CHRM5: variants seen among roughly 807,000 people sequenced by gnomAD.
The protein encoded by CHRM5 is muscarinic acetylcholine receptor M5.
CHRM5 carries 18 observed loss-of-function variants against 39.0 expected under a neutral mutation model. That is an observed-to-expected ratio of 0.46 (90% CI 0.32 to 0.68). The LOEUF (loss-of-function observed/expected upper bound fraction) is 0.68, where lower values mean the gene tolerates loss of function less well. CHRM5 is among the 30% of genes least tolerant of loss of function. CHRM5 has a pLI of 0.04. For missense variants in CHRM5, 515 were observed against 651.1 expected (o/e 0.79, Z 2.28); for synonymous variants, 241 against 246.3 (o/e 0.98, Z 0.20).
intron 2 of CHRM5, among the ~76,000 whole-genome samples, chr15:34,057,612 A>C (rs188106808): frequency 6.6e-6 from 1 of 152,126 alleles, no homozygotes; most frequent in African/African-American, 2.4e-5. Context: ...TCTGAGACTC[A>C]GGTTAAGTAA....
chr15:34,064,264 A>C lies in CHRM5; in HGVS notation c.1547A>C (p.Lys516Thr). The part of the protein sequence containing the change: ...FKMLLLCRWK[K>T]KKVEEKLYWQ... ...ATGCTGCTTCTCTGCCGATGGAAAAAGAAAAAAGTGGAAGAGAAGTTGTAC... is the reference window on the plus strand; with the variant it reads ...ATGCTGCTTCTCTGCCGATGGAAAACGAAAAAAGTGGAAGAGAAGTTGTAC... The change falls in exon 3 of 3, where the codon AAG (lysine) becomes ACG (threonine). Residue 516 changes from lysine to threonine, a missense_variant. Physicochemically the swap from Lys to Thr is moderately conservative, Grantham distance 78 (BLOSUM62 -1). Transcript: ENST00000383263. The C allele has an allele frequency of 6.2e-7, 1 of 1,614,122 alleles. No homozygotes were observed.
At chr15:34,047,748 C>T (rs1899764283) in intron 2 of CHRM5, among the ~76,000 whole-genome samples, 1 of 127,614 alleles carries the variant, frequency 7.8e-6, no homozygotes, top group Non-Finnish European at 1.7e-5. Context: ...CTTGTTTTGT[C>T]TTTGTTTTGT....
rs1900382962 is a variant in CHRM5 at position 34,062,689 on chromosome 15, A to G, written c.-29A>G. 1 of 1,581,092 alleles carries G rather than the reference A, an allele frequency of 6.3e-7. No individual in the cohort carries two copies. Among genetic ancestry groups the G allele is most frequent in the African/African-American group, 1.3e-5 (1 of 74,344 alleles). On this transcript the variant is annotated 5_prime_UTR_variant, in exon 3 of 3. Transcript: ENST00000383263. ...AATAGAAAACAGCCTAGAACCTAAC[A>G]CTATTTACTGTAAAATTTTTGCACC...
chr15:33,990,528 C>T (rs564243161), intron 1 of CHRM5, among the ~76,000 whole-genome samples: 3 of 152,300 alleles, frequency 2.0e-5, no homozygotes, highest in Non-Finnish European at 2.9e-5. Context: ...GATTCACTAA[C>T]GTTCTCTCAT....
Position 34,038,684 on chromosome 15 carries a change from C to T in CHRM5, c.-407-7856C>T, listed in dbSNP as rs1597379276. ...CCGGCGCCGCCGCCCGTCTGGCGCG[C>T]GCCTGGCACGCTCTCTTGCGGCTCT... On this transcript the variant is annotated intron_variant, in intron 1 of 2. Transcript: ENST00000383263. 4.7e-6 allele frequency: 5 copies of T among 1,064,506 alleles called. No individual in the cohort carries two copies. The East Asian group carries it at 2.1e-4, about 46-fold the overall frequency. 65.9% of individuals were successfully genotyped at this position (1,064,506 alleles called of 1,614,324 possible).
In CHRM5 at chr15:34,015,206, G is replaced by A. The variant is rs146447575; in HGVS notation, c.-407-31334G>A. On this transcript the variant is annotated intron_variant, in intron 1 of 2. Coordinates refer to ENST00000383263, the MANE Select transcript of CHRM5 (RefSeq NM_012125.4). ...TTTAAAAAATTCCACAAAATAGGCCGGGCGCAGTGGCTCACGCCTGTAATC... is the reference window on the plus strand; with the variant it reads ...TTTAAAAAATTCCACAAAATAGGCCAGGCGCAGTGGCTCACGCCTGTAATC... Among the ~76,000 whole-genome samples the A allele has an allele frequency of 1.5e-3, 232 of 152,208 alleles. 4 individuals are homozygous for A. The highest frequency in any genetic ancestry group is 6.0e-3 in the South Asian group (29 of 4,816).
intron 1 of CHRM5, among the ~76,000 whole-genome samples, chr15:33,986,745 C>T (rs1896489905): frequency 6.8e-6 from 1 of 148,146 alleles, no homozygotes; most frequent in African/African-American, 2.4e-5. Flanking sequence ...CAACCTCCGC[C>T]TCCCAGGTTC....
chr15:34,008,954 G>GCACACACA (rs57211791), intron 1 of CHRM5, among the ~76,000 whole-genome samples: 5 of 103,110 alleles, frequency 4.8e-5, no homozygotes, highest in African/African-American at 1.3e-4. Context: ...GTGCGCGCGC[G>GCACACACA]CACACACACA....
intron 1 of CHRM5, among the ~76,000 whole-genome samples, chr15:33,999,927 C>A (rs71462883): frequency 0.15 from 22,982 of 152,208 alleles, 2,166 homozygotes; most frequent in Middle Eastern, 0.28. Flanking sequence ...AACATCTTTA[C>A]AATGGTCTAC....
At chr15:34,053,319 A>AAAAAAATATATATAT (rs775436850) in intron 2 of CHRM5, among the ~76,000 whole-genome samples, 6 of 42,070 alleles carry the variant, frequency 1.4e-4, no homozygotes, top group African/African-American at 4.8e-4. Flanking sequence ...AAAAAAAAAA[A>AAAAAAATATATATAT]ATATATATAT....
rs1900488587 is a variant in CHRM5 at position 34,065,568 on chromosome 15, C to G, written c.*1252C>G. ...CACAAATGAGAAGGCCAGAAAAGCACACTTGAGGGTGCGATGAAGCTGAAA... is the reference window on the plus strand; with the variant it reads ...CACAAATGAGAAGGCCAGAAAAGCAGACTTGAGGGTGCGATGAAGCTGAAA... On this transcript the variant is annotated 3_prime_UTR_variant, in exon 3 of 3. Coordinates refer to ENST00000383263, the MANE Select transcript of CHRM5 (RefSeq NM_012125.4). 6.6e-6 allele frequency: 1 copy of G among 152,152 alleles called. No individual in the cohort carries two copies. The allele number at this position is 152,152 out of a possible 1,614,324, so 9.4% of individuals were successfully genotyped here.
At chr15:33,989,755 A>T (rs1043341013) in intron 1 of CHRM5, among the ~76,000 whole-genome samples, 3 of 152,072 alleles carry the variant, frequency 2.0e-5, no homozygotes, top group African/African-American at 7.2e-5. Flanking sequence ...TTCCAATTAA[A>T]TATGACATTG....
intron 1 of CHRM5, chr15:33,990,555 T>C (rs1896677501): frequency 6.6e-6 from 1 of 152,244 alleles, no homozygotes; most frequent in African/African-American, 2.4e-5. Flanking sequence ...ATGTCCAGTA[T>C]AACTAGCTTA....
At chr15:34,024,250 T>A (rs551618952) in intron 1 of CHRM5, among the ~76,000 whole-genome samples, 1 of 152,296 alleles carries the variant, frequency 6.6e-6, no homozygotes, top group South Asian at 2.1e-4. Context: ...GAATACTTTA[T>A]AATGCTATTA....
chr15:33,973,479 G>A (rs1428178351), intron 1 of CHRM5, among the ~76,000 whole-genome samples: 1 of 152,136 alleles, frequency 6.6e-6, no homozygotes, highest in African/African-American at 2.4e-5. Context: ...AATACCTACA[G>A]AAGAGCTTCT....
intron 1 of CHRM5, among the ~76,000 whole-genome samples, chr15:33,989,180 T>A (rs1466709259): frequency 6.6e-6 from 1 of 151,886 alleles, no homozygotes; most frequent in Non-Finnish European, 1.5e-5. Context: ...AAAGAGAAGA[T>A]GAGTTAATGA....
At chr15:34,016,353 T>G (rs1475486846) in intron 1 of CHRM5, among the ~76,000 whole-genome samples, 1 of 152,230 alleles carries the variant, frequency 6.6e-6, no homozygotes, top group Admixed American at 6.5e-5. Flanking sequence ...AATCTTATTA[T>G]GTAGTAAACT....
chr15:34,011,702 C>T lies in CHRM5; in HGVS notation c.-407-34838C>T, dbSNP rs144405713. ...GCTGTTCAACCACTCATCTCACAGG[C>T]CTCTCATTCCATCTCTCTCTTTCCC... is the stretch of plus-strand genomic sequence containing the variant. On this transcript the variant is annotated intron_variant, in intron 1 of 2. Coordinates refer to ENST00000383263, the MANE Select transcript of CHRM5 (RefSeq NM_012125.4). Among the ~76,000 whole-genome samples the T allele has an allele frequency of 1.6e-3, 247 of 152,282 alleles. 1 individual carries two copies. The highest frequency in any genetic ancestry group is 5.5e-3 in the African/African-American group (230 of 41,550).
chr15:33,984,737 T>C (rs1263376932), intron 1 of CHRM5, among the ~76,000 whole-genome samples: 1 of 152,146 alleles, frequency 6.6e-6, no homozygotes, highest in Non-Finnish European at 1.5e-5. Flanking sequence ...TTGCTTTTCA[T>C]TGAAGAACAA....
Sources: allele counts gnomAD v4.1 joint callset (sites outside exome capture counted in the v4.1 genomes callset), GRCh38; gene constraint gnomAD v4.1.1; transcripts MANE v1.5; gene names NCBI Gene and HGNC (gene_info 2026-07-23, HGNC 2026-07-21).